Variants in GDPD5 observed in about 807,000 individuals in gnomAD.
GDPD5 encodes glycerophosphodiester phosphodiesterase domain containing 5.
GDPD5 carries 48 observed loss-of-function variants against 75.1 expected under a neutral mutation model. That is an observed-to-expected ratio of 0.64 (90% CI 0.51 to 0.81). The LOEUF (loss-of-function observed/expected upper bound fraction) is 0.81, where lower values mean the gene tolerates loss of function less well. Ranked by LOEUF, GDPD5 falls within the 40% of genes least tolerant of loss-of-function variation. The pLI is 0.00. For synonymous variants in GDPD5, 336 were observed against 339.0 expected, an observed-to-expected ratio of 0.99 and a Z score of 0.10; for missense variants, 706 against 822.6, an observed-to-expected ratio of 0.86 and a Z score of 1.73.
intron 4 of GDPD5, among the ~76,000 whole-genome samples, chr11:75,462,510 TTCC>T: frequency 6.6e-6 from 1 of 152,272 alleles, no homozygotes; most frequent in Non-Finnish European, 1.5e-5. Flanking sequence ...ATCTCTCTGT[TTCC>T]TCCTCCTCTT....
intron 14 of GDPD5, among the ~76,000 whole-genome samples, chr11:75,440,338 C>G (rs1948754025): frequency 6.6e-6 from 1 of 152,140 alleles, no homozygotes; most frequent in East Asian, 1.9e-4. Flanking sequence ...GGTCTCGACC[C>G]TTTCCCCAGG....
intron 4 of GDPD5, among the ~76,000 whole-genome samples, chr11:75,460,763 C>T (rs749498656): frequency 6.6e-6 from 1 of 151,974 alleles, no homozygotes; most frequent in Non-Finnish European, 1.5e-5. Context: ...ACTCTTGAGA[C>T]TATCAGGACT....
intron 4 of GDPD5, among the ~76,000 whole-genome samples, chr11:75,461,601 T>TG (rs1376074436): frequency 1.3e-5 from 2 of 152,318 alleles, no homozygotes; most frequent in Non-Finnish European, 2.9e-5. Context: ...GCTAGAGATG[T>TG]GGTCTCCTAG....
At chr11:75,499,360 T>C (rs193254057) in intron 1 of GDPD5, among the ~76,000 whole-genome samples, 16 of 151,604 alleles carry the variant, frequency 1.1e-4, no homozygotes, top group Admixed American at 8.6e-4. Flanking sequence ...CATCTGGTCA[T>C]CTAGGCTAAC....
chr11:75,483,114 A>G (rs920315635), intron 2 of GDPD5, among the ~76,000 whole-genome samples: 10 of 152,154 alleles, frequency 6.6e-5, no homozygotes, highest in East Asian at 1.9e-4. Context: ...CTTAGGTCCA[A>G]TCGATTTCTC....
chr11:75,450,003 C>T lies in GDPD5; in HGVS notation c.376-20G>A, dbSNP rs766579981. On this transcript the variant is annotated intron_variant, in intron 6 of 16. Coordinates refer to ENST00000336898, the MANE Select transcript of GDPD5 (RefSeq NM_030792.8). ...CCCGATCTGGAGGGGGAAGAGTCAC[C>T]GGACAGAGGCTCAGAGCGGGTGGGA... 22 of 1,604,814 alleles carry T rather than the reference C, an allele frequency of 1.4e-5. No homozygotes were observed. The highest frequency in any genetic ancestry group is 4.0e-5 in the African/African-American group (3 of 74,756).
At chr11:75,497,126 T>C (rs1298647617) in intron 1 of GDPD5, among the ~76,000 whole-genome samples, 1 of 151,396 alleles carries the variant, frequency 6.6e-6, no homozygotes. Flanking sequence ...CTCGAGAGGG[T>C]TTAGGGTCTC....
chr11:75,480,141 C>T (rs1436593396), intron 2 of GDPD5, among the ~76,000 whole-genome samples: 3 of 152,096 alleles, frequency 2.0e-5, no homozygotes, highest in Non-Finnish European at 4.4e-5. Context: ...TCGAGACCAG[C>T]CTGACTAACA....
chr11:75,492,993 G>A (rs1407440898), intron 1 of GDPD5, among the ~76,000 whole-genome samples: 1 of 152,116 alleles, frequency 6.6e-6, no homozygotes, highest in African/African-American at 2.4e-5. Context: ...GCCTCCCAAA[G>A]TGCTGGGATT....
At chr11:75,481,777 G>A (rs1425633958) in intron 2 of GDPD5, among the ~76,000 whole-genome samples, 3 of 152,004 alleles carry the variant, frequency 2.0e-5, no homozygotes, top group East Asian at 1.9e-4. Flanking sequence ...ATCTGCCCCC[G>A]CCTCCCCAGG....
intron 3 of GDPD5, among the ~76,000 whole-genome samples, chr11:75,476,998 C>T (rs1949793697): frequency 6.6e-6 from 1 of 152,114 alleles, no homozygotes; most frequent in Non-Finnish European, 1.5e-5. Context: ...AAGTTGTTCT[C>T]CAGACAGTAA....
At chr11:75,473,393 G>A (rs948167284) in intron 3 of GDPD5, among the ~76,000 whole-genome samples, 1 of 152,056 alleles carries the variant, frequency 6.6e-6, no homozygotes, top group African/African-American at 2.4e-5. Context: ...GAGGATGGGA[G>A]GATGGGATTC....
At chr11:75,460,966 T>G (rs774945945) in intron 4 of GDPD5, among the ~76,000 whole-genome samples, 38 of 151,988 alleles carry the variant, frequency 2.5e-4, no homozygotes, top group Middle Eastern at 3.4e-3. Flanking sequence ...AGTGGGTAGC[T>G]CCATGGACAT....
intron 1 of GDPD5, among the ~76,000 whole-genome samples, chr11:75,514,889 A>T (rs540628785): frequency 6.6e-6 from 1 of 152,354 alleles, no homozygotes; most frequent in African/African-American, 2.4e-5. Context: ...TGTCTCATTC[A>T]TTATGTCATT....
chr11:75,437,332 A>G, intron 15 of GDPD5: 1 of 438,272 alleles, frequency 2.3e-6, no homozygotes, highest in Non-Finnish European at 4.1e-6. Flanking sequence ...AGGTGTCCCC[A>G]GTAATGCACC....
intron 16 of GDPD5, among the ~76,000 whole-genome samples, chr11:75,436,348 C>G (rs1948624368): frequency 6.6e-6 from 1 of 152,182 alleles, no homozygotes; most frequent in Non-Finnish European, 1.5e-5. Flanking sequence ...CCTTCCTTCC[C>G]TCAGCTCACT....
intron 16 of GDPD5, among the ~76,000 whole-genome samples, chr11:75,436,243 A>C (rs1373186338): frequency 6.6e-6 from 1 of 152,138 alleles, no homozygotes; most frequent in Non-Finnish European, 1.5e-5. Context: ...TGCTGAGTGG[A>C]GTTCGGCCAT....
At chr11:75,517,896 A>G (rs1455160758) in intron 1 of GDPD5, among the ~76,000 whole-genome samples, 1 of 152,220 alleles carries the variant, frequency 6.6e-6, no homozygotes, top group Non-Finnish European at 1.5e-5. Flanking sequence ...CGGGTTGGAA[A>G]AACAAGCAGA....
At chr11:75,514,333 T>C (rs1055559054) in intron 1 of GDPD5, among the ~76,000 whole-genome samples, 1 of 152,198 alleles carries the variant, frequency 6.6e-6, no homozygotes, top group African/African-American at 2.4e-5. Context: ...CAGAACTACA[T>C]ATGTCTTCAC....
Sources: gnomAD v4.1 joint callset for allele counts (sites outside exome capture counted in the v4.1 genomes callset) on GRCh38, gnomAD v4.1.1 for gene constraint, MANE v1.5 for transcripts, NCBI Gene and HGNC (gene_info 2026-07-23, HGNC 2026-07-21) for gene names.